The following OGFOD1 variants were observed in gnomAD, a reference collection of about 807,000 sequenced individuals.
OGFOD1 encodes the protein 2-oxoglutarate and iron dependent oxygenase domain containing 1.
In OGFOD1, 54 loss-of-function variants were observed where a neutral mutation model predicts 67.7. The observed-to-expected ratio is 0.80, with a 90% CI of 0.64 to 1.00. OGFOD1 has a LOEUF of 1.00. OGFOD1 is among the 50% of genes least tolerant of loss of function. The probability of loss-of-function intolerance (pLI) is 0.00; values close to 1 mark genes in which losing one functional copy is unlikely to be tolerated. For synonymous variants in OGFOD1, 221 were observed against 227.0 expected, an observed-to-expected ratio of 0.97 and a Z score of 0.24; for missense variants, 606 against 646.7, an observed-to-expected ratio of 0.94 and a Z score of 0.68.
At chr16:56,474,800 A>G (rs1156364973) in intron 10 of OGFOD1, 28 bp from the exon 11 acceptor site, 1 of 1,585,328 alleles carries the variant, frequency 6.3e-7, no homozygotes, top group African/African-American at 1.4e-5. Flanking sequence ...TATTTTTTAA[A>G]GTTTCTCATC....
Position 56,451,559 on chromosome 16 carries a change from C to G in OGFOD1, c.-54C>G. The G allele has an allele frequency of 1.3e-6, 2 of 1,598,444 alleles. No individual in the cohort carries two copies. Among genetic ancestry groups the G allele is most frequent in the African/African-American group, 1.3e-5 (1 of 74,668 alleles). ...GGGACATGCCGGGAGTTGCAGTACC[C>G]TCAGGAAGGTAGCGTCTTGATCTGC... On this transcript the variant is annotated 5_prime_UTR_variant, in exon 1 of 13. Transcript: ENST00000566157.
intron 4 of OGFOD1, among the ~76,000 whole-genome samples, chr16:56,463,253 T>TAAA (rs2143999163): frequency 6.6e-6 from 1 of 152,196 alleles, no homozygotes; most frequent in Non-Finnish European, 1.5e-5. Context: ...AATAAAATAA[T>TAAA]TCTTTGAGTG....
In OGFOD1 at chr16:56,469,953, G is replaced by A. The variant is rs765381729; in HGVS notation, c.901-50G>A. ...GCTGCTGTACCTGCCAAACCAGTGC[G>A]GGGTAATAGGGAGATCTGCTGAATG... On this transcript the variant is annotated intron_variant, in intron 8 of 12. Coordinates refer to ENST00000566157, the MANE Select transcript of OGFOD1 (RefSeq NM_018233.4). 1.5e-5 allele frequency: 23 copies of A among 1,518,706 alleles called. No individual in the cohort carries two copies. The South Asian group carries it at 1.6e-4, about 10-fold the overall frequency. 94.1% of individuals were successfully genotyped at this position (1,518,706 alleles called of 1,614,324 possible).
Position 56,478,906 on chromosome 16 carries a change from A to AGAT in OGFOD1, c.*2702_*2704dup, listed in dbSNP as rs1963589397. ...ATTGTGAAGGATGGTGTAACTTAAA[A>AGAT]GATTGTGTTTCTGCACTGAAGATAG... is the stretch of plus-strand genomic sequence containing the variant. On this transcript the variant is annotated 3_prime_UTR_variant, in exon 13 of 13. Transcript: ENST00000566157. 1 of 152,220 alleles carries AGAT rather than the reference A, an allele frequency of 6.6e-6. No individual in the cohort carries two copies. Among genetic ancestry groups the AGAT allele is most frequent in the South Asian group, 2.1e-4 (1 of 4,830 alleles). The allele number at this position is 152,220 out of a possible 1,614,324, so 9.4% of individuals were successfully genotyped here. A position where few individuals can be genotyped will look rare whatever the true frequency, so the allele number is the denominator to read the frequency against.
chr16:56,476,223 G>A lies in OGFOD1; in HGVS notation c.*18G>A, dbSNP rs753491706. On this transcript the variant is annotated 3_prime_UTR_variant, in exon 13 of 13. Transcript: ENST00000566157. Reference sequence around the variant, plus strand: ...ATGAATGACAGCACTGGGCAAAGCTGAACAAAAATGTGACCCTTCGTAATT... The same window carrying A: ...ATGAATGACAGCACTGGGCAAAGCTAAACAAAAATGTGACCCTTCGTAATT... 1.9e-6 allele frequency: 3 copies of A among 1,599,052 alleles called. No homozygotes were observed. Among genetic ancestry groups the A allele is most frequent in the East Asian group, 2.2e-5 (1 of 44,742 alleles).
rs59952507 is a variant in OGFOD1 at position 56,463,720 on chromosome 16, A to AT, written c.448+1102dup. Reference sequence around the variant, plus strand: ...TACAGGTGTGAGCTACCATGCCAGTATTTTTTTTTTTTTTTTACTTTGAAG... The same window carrying AT: ...TACAGGTGTGAGCTACCATGCCAGTATTTTTTTTTTTTTTTTTACTTTGAAG... On this transcript the variant is annotated intron_variant, in intron 4 of 12. Coordinates refer to ENST00000566157, the MANE Select transcript of OGFOD1 (RefSeq NM_018233.4). 2.1e-3 allele frequency among the ~76,000 whole-genome samples: 296 copies of AT among 140,806 alleles called. 1 individual carries two copies. Among genetic ancestry groups the AT allele is most frequent in the African/African-American group, 4.1e-3 (157 of 38,244 alleles). 92.4% of individuals were successfully genotyped at this position (140,806 alleles called of 152,430 possible). A position where few individuals can be genotyped will look rare whatever the true frequency, so the allele number is the denominator to read the frequency against.
chr16:56,476,004 G>A (rs764556482), intron 12 of OGFOD1, 40 bp from the exon 13 acceptor site: 10 of 1,556,440 alleles, frequency 6.4e-6, no homozygotes, highest in Admixed American at 5.7e-5. Context: ...TTGAGAATAA[G>A]TTCTGTGTTC....
In OGFOD1 at chr16:56,467,272, G is replaced by A. The variant is rs764889729; in HGVS notation, c.765G>A (p.Arg255=). The A allele has an allele frequency of 1.9e-6, 3 of 1,614,020 alleles. No individual in the cohort carries two copies. The highest frequency in any genetic ancestry group is 2.5e-6 in the Non-Finnish European group (3 of 1,180,010). ...ACTACTTTGAACCCCCCATACCTCG[G>A]AGCCCTCACATCCCACAAGATGTAA... ...PPNYFEPPIP[R]SPHIPQDHEI... The change falls in exon 7 of 13, where the codon CGG becomes CGA. Residue 255 remains arginine, a synonymous_variant. Coordinates refer to ENST00000566157, the MANE Select transcript of OGFOD1 (RefSeq NM_018233.4).
chr16:56,466,315 G>A lies in OGFOD1; in HGVS notation c.565+47G>A, dbSNP rs766898584. The A allele has an allele frequency of 6.7e-6, 8 of 1,194,812 alleles. No homozygotes were observed. In the African/African-American group the frequency reaches 1.2e-4, roughly 18 times the overall value. The allele number at this position is 1,194,812 out of a possible 1,614,324, so 74.0% of individuals were successfully genotyped here. ...GCACTTCACCACCAGTGGCACTTCT[G>A]AGTTAAAGCTGAGTTGATTCAGTAT... is the stretch of plus-strand genomic sequence containing the variant. On this transcript the variant is annotated intron_variant, in intron 5 of 12. Transcript: ENST00000566157.
In OGFOD1 at chr16:56,466,871, T is replaced by A; in HGVS notation, c.566-5T>A. Reference sequence around the variant, plus strand: ...AATTTATTGATGTGTTCTTTCCTGGTGCAGAACACTTTCAGCCGAAGCAGA... The same window carrying A: ...AATTTATTGATGTGTTCTTTCCTGGAGCAGAACACTTTCAGCCGAAGCAGA... On this transcript the variant is annotated splice_polypyrimidine_tract_variant and splice_region_variant and intron_variant, in intron 5 of 12. Coordinates refer to ENST00000566157, the MANE Select transcript of OGFOD1 (RefSeq NM_018233.4). The A allele has an allele frequency of 1.2e-6, 2 of 1,603,920 alleles. No individual in the cohort carries two copies. The highest frequency in any genetic ancestry group is 2.2e-5 in the South Asian group (2 of 90,846).
chr16:56,466,220 C>T lies in OGFOD1; in HGVS notation c.517C>T (p.Pro173Ser), dbSNP rs34883368. 0.047 allele frequency: 75,869 copies of T among 1,613,792 alleles called. 2,590 individuals carry two copies. The highest frequency in any genetic ancestry group is 0.13 in the East Asian group (5,688 of 44,864). ...RIAFILYLVP[P>S]WDRSMGGTLD... Reference sequence around the variant, plus strand: ...TGCCTTCATCCTGTACCTGGTTCCTCCCTGGGACAGGAGCATGGGTGGTAC... The same window carrying T: ...TGCCTTCATCCTGTACCTGGTTCCTTCCTGGGACAGGAGCATGGGTGGTAC... The change falls in exon 5 of 13, where the codon CCC becomes TCC. Residue 173 changes from proline to serine, a missense_variant. Pro to Ser is a moderately conservative substitution (Grantham distance 74). Transcript: ENST00000566157.
At chr16:56,473,000 G>A (rs1210040685) in intron 10 of OGFOD1, among the ~76,000 whole-genome samples, 2 of 152,086 alleles carry the variant, frequency 1.3e-5, no homozygotes, top group African/African-American at 2.4e-5. Flanking sequence ...GCATGATCTC[G>A]GCTCACTGCT....
chr16:56,469,893 C>A, intron 8 of OGFOD1, 110 bp from the exon 9 acceptor site: 1 of 713,744 alleles, frequency 1.4e-6, no homozygotes, highest in South Asian at 1.9e-5. Flanking sequence ...GTCAACTGCA[C>A]CTTTTAGGAA....
At chr16:56,461,242 C>G (rs905494095) in intron 3 of OGFOD1, among the ~76,000 whole-genome samples, 8 of 152,170 alleles carry the variant, frequency 5.3e-5, no homozygotes, top group Non-Finnish European at 1.2e-4. Context: ...TTGAGTTAAT[C>G]ACTAATAGCC....
rs1335595782 is a variant in OGFOD1 at position 56,477,264 on chromosome 16, A to G, written c.*1059A>G. ...GAATTCTGACACAGTGAGTCATCAC[A>G]TTTCCTCCCACTGCCTGTGGCCTTG... On this transcript the variant is annotated 3_prime_UTR_variant, in exon 13 of 13. Coordinates refer to ENST00000566157, the MANE Select transcript of OGFOD1 (RefSeq NM_018233.4). 6.6e-6 allele frequency: 1 copy of G among 152,234 alleles called. No homozygotes were observed. The highest frequency in any genetic ancestry group is 1.9e-4 in the East Asian group (1 of 5,204). The allele number at this position is 152,234 out of a possible 1,614,324, so 9.4% of individuals were successfully genotyped here. A position where few individuals can be genotyped will look rare whatever the true frequency, so the allele number is the denominator to read the frequency against.
chr16:56,473,120 C>T (rs1393476170), intron 10 of OGFOD1, among the ~76,000 whole-genome samples: 4 of 152,078 alleles, frequency 2.6e-5, no homozygotes, highest in South Asian at 2.1e-4. Context: ...TTAGTAGAGA[C>T]GGGGTTTCAC....
At chr16:56,465,145 G>A (rs1165027084) in intron 4 of OGFOD1, among the ~76,000 whole-genome samples, 5 of 151,830 alleles carry the variant, frequency 3.3e-5, no homozygotes, top group East Asian at 1.9e-4. Context: ...GATTACAGGC[G>A]TGCACCACCA....
At chr16:56,473,837 C>T (rs1015240825) in intron 10 of OGFOD1, among the ~76,000 whole-genome samples, 5 of 151,286 alleles carry the variant, frequency 3.3e-5, no homozygotes, top group African/African-American at 1.2e-4. Flanking sequence ...GGTGGACTCT[C>T]GCTCTGTCAC....
At chr16:56,459,713 A>G (rs752549333) in intron 3 of OGFOD1, among the ~76,000 whole-genome samples, 7 of 152,214 alleles carry the variant, frequency 4.6e-5, no homozygotes, top group Admixed American at 1.3e-4. Context: ...CAAGAGAAAA[A>G]AATAATACAC....
Sources: gnomAD v4.1 joint callset for allele counts (sites outside exome capture counted in the v4.1 genomes callset) on GRCh38, gnomAD v4.1.1 for gene constraint, MANE v1.5 for transcripts, NCBI Gene and HGNC (gene_info 2026-07-23, HGNC 2026-07-21) for gene names.